Variants in ITGAM observed in about 807,000 individuals in gnomAD.
ITGAM encodes integrin alpha-M.
Under a neutral mutation model 137.5 loss-of-function variants are expected in ITGAM, and 79 were observed. The observed-to-expected ratio is 0.57, with a 90% CI of 0.48 to 0.69. ITGAM has a LOEUF of 0.69. Among genes scored for constraint, ITGAM ranks in the 30% least tolerant of loss-of-function variants. The probability of loss-of-function intolerance (pLI) is 0.00; values close to 1 mark genes in which losing one functional copy is unlikely to be tolerated. For synonymous variants in ITGAM, 583 were observed against 592.3 expected (o/e 0.98, Z 0.23); for missense variants, 1,343 against 1,483.5 (o/e 0.91, Z 1.56).
At position 31,325,403 on chromosome 16, in the gene ITGAM, A is replaced by G. The variant is rs1249308530; in HGVS notation, c.2504A>G (p.Gln835Arg). The G allele has an allele frequency of 6.2e-7, 1 of 1,612,848 alleles. No homozygotes were observed. Among genetic ancestry groups the G allele is most frequent in the Non-Finnish European group, 8.5e-7 (1 of 1,179,184 alleles). Residue 835 changes from glutamine (Q) to arginine (R), a missense_variant and splice_region_variant, in exon 20 of 30, where the codon CAG becomes CGG. Coordinates refer to ENST00000544665, the MANE Select transcript of ITGAM (RefSeq NM_000632.4). Reference sequence around the variant, plus strand: ...TCCTACCGGAAGGTGTCCACGCTCCAGGTAGCCACATCCTTCTCAGGCTCT... The same window carrying G: ...TCCTACCGGAAGGTGTCCACGCTCCGGGTAGCCACATCCTTCTCAGGCTCT... ...DLSYRKVSTLQNQRSQRSWRL... is the reference protein window; with the variant it reads ...DLSYRKVSTLRNQRSQRSWRL...
chr16:31,301,602 C>T (rs1323196465), intron 14 of ITGAM, among the ~76,000 whole-genome samples: 1 of 152,120 alleles, frequency 6.6e-6, no homozygotes, highest in East Asian at 1.9e-4. Context: ...GGCTTATTAG[C>T]TCATATATTT....
intron 12 of ITGAM, among the ~76,000 whole-genome samples, chr16:31,296,028 A>AT (rs1315658940): frequency 3.3e-5 from 5 of 150,874 alleles, no homozygotes; most frequent in Non-Finnish European, 5.9e-5. Flanking sequence ...ACATTAATTG[A>AT]TTTGCATATG....
chr16:31,270,717 A>G lies in ITGAM; in HGVS notation c.428-237A>G, dbSNP rs1386969964. Among the ~76,000 whole-genome samples, 741 of 102,722 alleles carry G rather than the reference A, an allele frequency of 7.2e-3. 30 individuals are homozygous for G. Among genetic ancestry groups the G allele is most frequent in the African/African-American group, 0.023 (543 of 23,350 alleles). The allele number at this position is 102,722 out of a possible 152,430, so 67.4% of individuals were successfully genotyped here. ...TGTGTGTGTATATATATATATATAT[A>G]TATATATATATATATATATATATAT... On this transcript the variant is annotated intron_variant, in intron 5 of 29. Coordinates refer to ENST00000544665, the MANE Select transcript of ITGAM (RefSeq NM_000632.4).
intron 12 of ITGAM, among the ~76,000 whole-genome samples, chr16:31,295,820 A>C (rs576626090): frequency 2.6e-4 from 39 of 151,774 alleles, no homozygotes; most frequent in African/African-American, 8.2e-4. Flanking sequence ...AAAGCTTTCA[A>C]TTTTTCACCA....
intron 29 of ITGAM, 106 bp from the exon 30 acceptor site, chr16:31,331,530 C>CAG: frequency 1.5e-6 from 1 of 661,464 alleles, no homozygotes. Flanking sequence ...CCCCGCCCTC[C>CAG]TGGGTCCCTT....
Position 31,331,650 on chromosome 16 carries a change from G to A in ITGAM, c.3402G>A (p.Lys1134=), listed in dbSNP as rs1185709478. 6.2e-7 allele frequency: 1 copy of A among 1,608,554 alleles called. No individual in the cohort carries two copies. Among genetic ancestry groups the A allele is most frequent in the Non-Finnish European group, 8.5e-7 (1 of 1,177,496 alleles). The change falls in exon 30 of 30, where the codon AAG becomes AAA. Residue 1134 remains lysine (K), a synonymous_variant. Coordinates refer to ENST00000544665, the MANE Select transcript of ITGAM (RefSeq NM_000632.4). ...CTGCCCCGCAGCTCGGCTTCTTCAA[G>A]CGGCAATACAAGGACATGATGAGTG... ...TAALYKLGFF[K]RQYKDMMSEG... is the part of the protein sequence containing the mutation.
At chr16:31,287,570 C>T (rs1030622509) in intron 12 of ITGAM, among the ~76,000 whole-genome samples, 3 of 151,998 alleles carry the variant, frequency 2.0e-5, no homozygotes, top group Non-Finnish European at 4.4e-5. Context: ...TTTGTAGAGA[C>T]CTTTTACCTC....
Position 31,315,962 on chromosome 16 carries a change from A to G in ITGAM, c.1708-5279A>G, listed in dbSNP as rs529106699. ...GTAATCTCAGCACTTTGGAAGGCTG[A>G]GGCGGGTGGATCATGAGGTCAGGAA... On this transcript the variant is annotated intron_variant, in intron 14 of 29. Coordinates refer to ENST00000544665, the MANE Select transcript of ITGAM (RefSeq NM_000632.4). 1.6e-3 allele frequency among the ~76,000 whole-genome samples: 249 copies of G among 151,608 alleles called. 2 individuals are homozygous for G. Among genetic ancestry groups the G allele is most frequent in the South Asian group, 4.2e-3 (20 of 4,760 alleles).
intron 2 of ITGAM, among the ~76,000 whole-genome samples, chr16:31,263,617 G>A (rs2079729736): frequency 1.3e-5 from 2 of 150,110 alleles, no homozygotes; most frequent in Admixed American, 1.3e-4. Flanking sequence ...TTATGAGAGA[G>A]GCATTTTCTG....
chr16:31,305,887 G>A (rs1053060896), intron 14 of ITGAM, among the ~76,000 whole-genome samples: 1 of 151,930 alleles, frequency 6.6e-6, no homozygotes, highest in Non-Finnish European at 1.5e-5. Context: ...AAGGATTTTT[G>A]CTTCTATATT....
At chr16:31,306,702 G>A (rs1009046298) in intron 14 of ITGAM, among the ~76,000 whole-genome samples, 1 of 151,946 alleles carries the variant, frequency 6.6e-6, no homozygotes, top group Non-Finnish European at 1.5e-5. Context: ...AGTAGAGATT[G>A]GGTTTCACCA....
chr16:31,296,545 G>C (rs1193196375), intron 12 of ITGAM, among the ~76,000 whole-genome samples: 1 of 152,156 alleles, frequency 6.6e-6, no homozygotes, highest in East Asian at 1.9e-4. Context: ...TTAGGATAAA[G>C]TATTCAGTTA....
chr16:31,282,482 T>C (rs1404467627), intron 12 of ITGAM, among the ~76,000 whole-genome samples: 1 of 152,228 alleles, frequency 6.6e-6, no homozygotes, highest in Admixed American at 6.5e-5. Flanking sequence ...AATGGCCTTC[T>C]TTGTCTCTTT....
chr16:31,270,566 T>A (rs1210857077), intron 5 of ITGAM, among the ~76,000 whole-genome samples: 1 of 150,842 alleles, frequency 6.6e-6, no homozygotes, highest in Non-Finnish European at 1.5e-5. Context: ...CAGGCTGGAG[T>A]GCAATGGCGT....
At chr16:31,330,639 G>A (rs2080568623) in intron 28 of ITGAM, 34 bp downstream of exon 28, 1 of 1,481,286 alleles carries the variant, frequency 6.8e-7, no homozygotes, top group Non-Finnish European at 9.2e-7. Flanking sequence ...ACTATTGGAG[G>A]GAGAGGGGCT....
rs149684217 is a variant in ITGAM, at chr16:31,308,459, G to C, written c.1707+10505G>C. On this transcript the variant is annotated intron_variant, in intron 14 of 29. Transcript: ENST00000544665. The stretch of plus-strand genomic sequence containing the variant: ...CGTAGAGGTGTTTGTAGTATCCTCT[G>C]ATGGTAGTTTGTATTTCTGTGAGAT... Among the ~76,000 whole-genome samples the C allele has an allele frequency of 5.0e-3, 767 of 152,234 alleles. 8 individuals carry two copies. The highest frequency in any genetic ancestry group is 0.018 in the African/African-American group (739 of 41,538).
rs2080556384 is a variant in ITGAM, at chr16:31,329,832, G to A, written c.2903G>A (p.Ser968Asn). Reference protein sequence around the residue: ...SNLGQRSLPISLVFLVPVRLN... With the variant: ...SNLGQRSLPINLVFLVPVRLN... ...CTGGGGCAGAGGAGCCTCCCCATCA[G>A]CCTGGTGTTCTTGGTGCCCGTCCGG... Residue 968 changes from serine to asparagine, a missense_variant, in exon 25 of 30, where the codon AGC becomes AAC. By Grantham distance (46) the Ser-to-Asn change is conservative. Transcript: ENST00000544665. The A allele has an allele frequency of 1.3e-6, 2 of 1,561,420 alleles. No homozygotes were observed. The highest frequency in any genetic ancestry group is 1.7e-6 in the Non-Finnish European group (2 of 1,152,730).
chr16:31,262,689 A>G (rs2079719318), intron 2 of ITGAM, among the ~76,000 whole-genome samples: 1 of 152,038 alleles, frequency 6.6e-6, no homozygotes, highest in Non-Finnish European at 1.5e-5. Flanking sequence ...ATAGGTGTAA[A>G]CCACTGTGCC....
At chr16:31,304,062 C>T (rs561964890) in intron 14 of ITGAM, among the ~76,000 whole-genome samples, 109 of 152,170 alleles carry the variant, frequency 7.2e-4, no homozygotes, top group Non-Finnish European at 1.2e-3. Flanking sequence ...AGAGGTTGTG[C>T]TAATTTACAT....
Sources: allele counts gnomAD v4.1 joint callset (sites outside exome capture counted in the v4.1 genomes callset), GRCh38; gene constraint gnomAD v4.1.1; transcripts MANE v1.5; gene names NCBI Gene and HGNC (gene_info 2026-07-23, HGNC 2026-07-21).